Variants in LRRC4C observed in about 807,000 individuals in gnomAD.
LRRC4C encodes leucine-rich repeat-containing protein 4C.
In LRRC4C, 5 loss-of-function variants were observed where a neutral mutation model predicts 33.6. That is an observed-to-expected ratio of 0.15 (90% CI 0.08 to 0.31). LRRC4C has a LOEUF of 0.31. Ranked by LOEUF, LRRC4C falls within the 10% of genes least tolerant of loss-of-function variation. The probability of loss-of-function intolerance (pLI) is 1.00; values close to 1 mark genes in which losing one functional copy is unlikely to be tolerated. For missense variants in LRRC4C, 560 were observed against 796.7 expected (o/e 0.70, Z 3.58); for synonymous variants, 329 against 302.0 (o/e 1.09, Z -0.93).
At chr11:40,752,993 A>G (rs969469889) in intron 2 of LRRC4C, among the ~76,000 whole-genome samples, 4 of 152,162 alleles carry the variant, frequency 2.6e-5, no homozygotes, top group Admixed American at 2.6e-4. Context: ...ACTGGAGGTC[A>G]TTATGCTAAG....
intron 2 of LRRC4C, among the ~76,000 whole-genome samples, chr11:40,735,695 A>C (rs1947825995): frequency 7.3e-6 from 1 of 137,236 alleles, no homozygotes; most frequent in African/African-American, 2.7e-5. Context: ...GGCTGGGTCA[A>C]ACGGTATTTC....
chr11:40,994,261 A>G (rs538420575), intron 1 of LRRC4C, among the ~76,000 whole-genome samples: 5 of 152,180 alleles, frequency 3.3e-5, no homozygotes, highest in African/African-American at 9.6e-5. Context: ...ATCCAAATCA[A>G]TCACTCTTCT....
chr11:40,638,153 C>T (rs569682449), intron 3 of LRRC4C, among the ~76,000 whole-genome samples: 1 of 152,264 alleles, frequency 6.6e-6, no homozygotes, highest in South Asian at 2.1e-4. Flanking sequence ...GAACTTGTCC[C>T]CCATTCAACA....
At chr11:40,971,066 C>T (rs1345864435) in intron 1 of LRRC4C, among the ~76,000 whole-genome samples, 3 of 152,180 alleles carry the variant, frequency 2.0e-5, no homozygotes, top group Non-Finnish European at 1.5e-5. Context: ...GGAAAATTTG[C>T]AGCCTGGCCA....
chr11:40,149,514 G>A (rs1352118468), intron 5 of LRRC4C, among the ~76,000 whole-genome samples: 1 of 152,076 alleles, frequency 6.6e-6, no homozygotes, highest in East Asian at 1.9e-4. Context: ...AGGAATGCTA[G>A]TGATTTTTAT....
intron 1 of LRRC4C, among the ~76,000 whole-genome samples, chr11:41,319,243 G>A (rs920643153): frequency 1.3e-5 from 2 of 152,192 alleles, no homozygotes; most frequent in Middle Eastern, 3.4e-3. Flanking sequence ...CATTTCTGTC[G>A]AGAAAACATA....
At chr11:41,035,099 G>C (rs1856982708) in intron 1 of LRRC4C, among the ~76,000 whole-genome samples, 1 of 151,024 alleles carries the variant, frequency 6.6e-6, no homozygotes, top group Non-Finnish European at 1.5e-5. Context: ...GATTTTACCT[G>C]TTTAAAAAAT....
intron 5 of LRRC4C, among the ~76,000 whole-genome samples, chr11:40,214,081 C>G (rs1410709735): frequency 6.6e-6 from 1 of 152,144 alleles, no homozygotes; most frequent in Non-Finnish European, 1.5e-5. Flanking sequence ...TCACCTTTCC[C>G]CCTGTGGAGG....
At chr11:40,676,537 C>T (rs1403857712) in intron 2 of LRRC4C, among the ~76,000 whole-genome samples, 3 of 152,138 alleles carry the variant, frequency 2.0e-5, no homozygotes, top group African/African-American at 7.2e-5. Flanking sequence ...TCATCAATAC[C>T]TGCCTCCTTT....
intron 1 of LRRC4C, among the ~76,000 whole-genome samples, chr11:41,168,842 C>T (rs1238106409): frequency 1.3e-5 from 2 of 152,182 alleles, no homozygotes; most frequent in East Asian, 1.9e-4. Flanking sequence ...ATGGTCATCA[C>T]GGAAGTTCAA....
At chr11:40,195,573 A>G (rs1862194307) in intron 5 of LRRC4C, among the ~76,000 whole-genome samples, 1 of 152,028 alleles carries the variant, frequency 6.6e-6, no homozygotes, top group South Asian at 2.1e-4. Flanking sequence ...AAATGAGGGG[A>G]AAAGGGAGAA....
intron 1 of LRRC4C, among the ~76,000 whole-genome samples, chr11:41,269,786 A>G (rs999886090): frequency 9.2e-5 from 14 of 152,144 alleles, no homozygotes; most frequent in Admixed American, 7.9e-4. Flanking sequence ...CTTCAGCATC[A>G]GTCTCTGTAA....
intron 1 of LRRC4C, among the ~76,000 whole-genome samples, chr11:41,180,800 A>G (rs1590857894): frequency 1.3e-5 from 2 of 152,202 alleles, no homozygotes; most frequent in East Asian, 3.9e-4. Flanking sequence ...AATTGGTATC[A>G]TTATCCTAAG....
chr11:40,839,740 G>C (rs1209574673), intron 2 of LRRC4C, among the ~76,000 whole-genome samples: 1 of 152,156 alleles, frequency 6.6e-6, no homozygotes, highest in Non-Finnish European at 1.5e-5. Context: ...ACTGTTAAAC[G>C]CTAAGGCAGT....
intron 6 of LRRC4C, among the ~76,000 whole-genome samples, chr11:40,138,609 C>T (rs1341026154): frequency 6.6e-6 from 1 of 152,194 alleles, no homozygotes; most frequent in African/African-American, 2.4e-5. Context: ...ACTTGAACTG[C>T]CAGCTCCGGA....
chr11:41,090,083 A>C (rs781512542), intron 1 of LRRC4C, among the ~76,000 whole-genome samples: 3 of 152,112 alleles, frequency 2.0e-5, no homozygotes, highest in Non-Finnish European at 4.4e-5. Context: ...TAGGGAAAGG[A>C]ATAGTATTGA....
intron 3 of LRRC4C, among the ~76,000 whole-genome samples, chr11:40,529,752 A>G (rs985993352): frequency 1.3e-5 from 2 of 152,170 alleles, no homozygotes; most frequent in African/African-American, 2.4e-5. Flanking sequence ...AATGGATTCA[A>G]TCATGAATTT....
At position 40,375,789 on chromosome 11, in the gene LRRC4C, TAGAC is replaced by T. The variant is rs534614467; in HGVS notation, c.-269-56072_-269-56069del. Among the ~76,000 whole-genome samples the T allele has an allele frequency of 2.1e-4, 32 of 152,064 alleles. No homozygotes were observed. The East Asian group carries it at 5.2e-3, about 25-fold the overall frequency. ...CATTGAACTGACCAACGCTTGGGAG[TAGAC>T]AGACAGGCTACCACGGGAGTCACGT... On this transcript the variant is annotated intron_variant, in intron 3 of 6. Coordinates refer to ENST00000528697, the MANE Select transcript of LRRC4C (RefSeq NM_001258419.2).
chr11:41,314,568 G>A (rs970442179), intron 1 of LRRC4C, among the ~76,000 whole-genome samples: 2 of 152,066 alleles, frequency 1.3e-5, no homozygotes, highest in Non-Finnish European at 2.9e-5. Flanking sequence ...TTCACACCAC[G>A]TGTCCTCACT....
Sources: allele counts gnomAD v4.1 joint callset (sites outside exome capture counted in the v4.1 genomes callset), GRCh38; gene constraint gnomAD v4.1.1; transcripts MANE v1.5; gene names NCBI Gene and HGNC (gene_info 2026-07-23, HGNC 2026-07-21).